MTIF2: variants seen among roughly 807,000 people sequenced by gnomAD.
MTIF2 encodes the protein translation initiation factor IF-2, mitochondrial.
A neutral mutation model predicts 83.5 loss-of-function variants in MTIF2; 71 were observed. That is an observed-to-expected ratio of 0.85 (90% confidence interval 0.70 to 1.04). The LOEUF is 1.04. Among genes scored for constraint, MTIF2 ranks in the 50% least tolerant of loss-of-function variants. The probability of loss-of-function intolerance (pLI) is 0.00; values close to 1 mark genes in which losing one functional copy is unlikely to be tolerated. For synonymous variants in MTIF2, 319 were observed against 287.1 expected, an observed-to-expected ratio of 1.11 and a Z score of -1.12; for missense variants, 957 against 846.5, an observed-to-expected ratio of 1.13 and a Z score of -1.62.
intron 7 of MTIF2, among the ~76,000 whole-genome samples, chr2:55,253,493 A>C (rs1318990232): frequency 6.6e-6 from 1 of 152,132 alleles, no homozygotes; most frequent in Non-Finnish European, 1.5e-5. Flanking sequence ...AGCCTGGCCA[A>C]CATGGCAAAA....
intron 13 of MTIF2, among the ~76,000 whole-genome samples, chr2:55,242,351 A>G (rs1167045218): frequency 6.6e-6 from 1 of 152,138 alleles, no homozygotes. Context: ...ATTCCTAATC[A>G]CTCAACAAAT....
intron 12 of MTIF2, 90 bp from the exon 13 acceptor site, chr2:55,243,170 A>G (rs1676447984): frequency 2.3e-6 from 3 of 1,329,520 alleles, no homozygotes; most frequent in Non-Finnish European, 3.1e-6. Flanking sequence ...AAGCCATGAT[A>G]GGAATGTCAT....
At chr2:55,254,007 C>A (rs1172358283) in intron 7 of MTIF2, 34 bp downstream of exon 7, 1 of 1,607,624 alleles carries the variant, frequency 6.2e-7, no homozygotes, top group Admixed American at 1.7e-5. Flanking sequence ...AAGTGGGGTT[C>A]CCAAGCACAT....
chr2:55,243,915 G>T, intron 11 of MTIF2, 114 bp downstream of exon 11: 1 of 1,023,898 alleles, frequency 9.8e-7, no homozygotes, highest in Non-Finnish European at 1.4e-6. Context: ...CATCCTCACA[G>T]CCCCTTATAA....
intron 7 of MTIF2, among the ~76,000 whole-genome samples, chr2:55,253,573 T>G (rs1478645170): frequency 1.3e-5 from 2 of 151,824 alleles, no homozygotes; most frequent in African/African-American, 4.8e-5. Context: ...TCCCAACACT[T>G]TGGGAGGCTG....
At position 55,263,651 on chromosome 2, in the gene MTIF2, C is replaced by A; in HGVS notation, c.208G>T (p.Val70Leu). 6.3e-7 allele frequency: 1 copy of A among 1,594,782 alleles called. No individual in the cohort carries two copies. The highest frequency in any genetic ancestry group is 8.5e-7 in the Non-Finnish European group (1 of 1,172,098). The part of the protein sequence containing the change: ...GAALSQYRLL[V>L]TKKEEGPWKS... ...AAATCTGTAACTACCTTTTTTGTTA[C>A]TAGAAGCCTATACTGAGATAAAGCA... Residue 70 changes from valine (V) to leucine (L), a missense_variant, in exon 4 of 16, where the codon GTA becomes TTA. Val to Leu is a conservative substitution (Grantham distance 32). Coordinates refer to ENST00000263629, the MANE Select transcript of MTIF2 (RefSeq NM_002453.3).
rs1211411920 is a variant in MTIF2, at chr2:55,263,787, C to T, written c.72G>A (p.Leu24=). The T allele has an allele frequency of 8.7e-6, 14 of 1,614,002 alleles. No individual in the cohort carries two copies. Among genetic ancestry groups the T allele is most frequent in the Non-Finnish European group, 1.0e-5 (12 of 1,180,040 alleles). The part of the protein sequence containing the change: ...FHTIYRQLHS[L]CQRRALRQWR... The stretch of plus-strand genomic sequence containing the variant: ...ACTGTCTTAATGCTCTTCTTTGACA[C>T]AGACTGTGCAGTTGCCTATAAATAG... Residue 24 remains leucine (L), a synonymous_variant, in exon 4 of 16, where the codon CTG becomes CTA. Transcript: ENST00000263629.
chr2:55,262,491 T>A (rs1289378019), intron 4 of MTIF2, 64 bp from the exon 5 acceptor site: 1 of 964,676 alleles, frequency 1.0e-6, no homozygotes, highest in Non-Finnish European at 1.6e-6. Flanking sequence ...AATTTAGATT[T>A]ATTCTCAAAT....
chr2:55,253,253 G>A (rs767016455), intron 7 of MTIF2, among the ~76,000 whole-genome samples: 1 of 152,148 alleles, frequency 6.6e-6, no homozygotes, highest in Non-Finnish European at 1.5e-5. Context: ...CTAGGTGCTC[G>A]TAAATGGGAC....
rs770238883 is a variant in MTIF2, at chr2:55,236,618, C to T, written c.*30G>A. 14 of 1,552,006 alleles carry T rather than the reference C, an allele frequency of 9.0e-6. No homozygotes were observed. The highest frequency in any genetic ancestry group is 6.9e-5 in the East Asian group (3 of 43,622). On this transcript the variant is annotated 3_prime_UTR_variant, in exon 16 of 16. Transcript: ENST00000263629. ...CATTTCTACCTTCAAACAAACAACA[C>T]GTTGAGTTATTTACATTTTTAATGT...
In MTIF2 at chr2:55,240,186, G is replaced by A. The variant is rs776001169; in HGVS notation, c.1706-11C>T. On this transcript the variant is annotated splice_polypyrimidine_tract_variant and intron_variant, in intron 13 of 15. Transcript: ENST00000263629. ...AGCCATATATAACACCTAGCAAACA[G>A]AAATATGATCAATGAAGTAGCACAA... 8 of 1,594,782 alleles carry A rather than the reference G, an allele frequency of 5.0e-6. No individual in the cohort carries two copies. Among genetic ancestry groups the A allele is most frequent in the Non-Finnish European group, 6.9e-6 (8 of 1,165,658 alleles).
At chr2:55,249,597 T>C in intron 8 of MTIF2, 63 bp from the exon 9 acceptor site, 1 of 1,570,704 alleles carries the variant, frequency 6.4e-7, no homozygotes, top group Non-Finnish European at 8.7e-7. Flanking sequence ...GTATTCACAG[T>C]GAAAGACATC....
At chr2:55,262,531 C>CTTTTT (rs531485959) in intron 4 of MTIF2, 104 bp from the exon 5 acceptor site, 2 of 328,014 alleles carry the variant, frequency 6.1e-6, no homozygotes, top group African/African-American at 2.9e-5. Context: ...ACATTTCTTT[C>CTTTTT]TTTTTTTTTC....
chr2:55,255,656 A>G (rs1000301360), intron 5 of MTIF2, among the ~76,000 whole-genome samples: 4 of 151,636 alleles, frequency 2.6e-5, no homozygotes, highest in African/African-American at 9.7e-5. Flanking sequence ...TACCACATTT[A>G]GGAGCCATTT....
intron 14 of MTIF2, among the ~76,000 whole-genome samples, chr2:55,239,101 T>C (rs1050633757): frequency 2.6e-5 from 4 of 152,124 alleles, no homozygotes; most frequent in South Asian, 2.1e-4. Context: ...TAGAGAGATA[T>C]GACAACATGG....
rs561472882 is a variant in MTIF2 at position 55,254,729 on chromosome 2, G to C, written c.428C>G (p.Thr143Arg). 3.7e-6 allele frequency: 6 copies of C among 1,609,426 alleles called. No individual in the cohort carries two copies. The highest frequency in any genetic ancestry group is 5.1e-6 in the Non-Finnish European group (6 of 1,178,068). Residue 143 changes from threonine to arginine, a missense_variant, in exon 6 of 16, where the codon ACG (threonine) becomes AGG (arginine). Thr to Arg is a moderately conservative substitution (Grantham distance 71, BLOSUM62 -1). Transcript: ENST00000263629. The stretch of plus-strand genomic sequence containing the variant: ...CCACTTTAACTTCATCCCTGCCTTC[G>C]TTATCACTTCTTTGATCCAGACTTC... ...LDEVWIKEVITKAGMKLKWSK... is the reference protein window; with the variant it reads ...LDEVWIKEVIRKAGMKLKWSK...
Position 55,254,539 on chromosome 2 carries a change from T to C in MTIF2, c.503+115A>G, listed in dbSNP as rs1224067357. On this transcript the variant is annotated intron_variant, in intron 6 of 15. Transcript: ENST00000263629. ...AATGCTTTAAGTACTTCGAAGTTTA[T>C]ACACACATATCTTTATTACAAAAGA... 4 of 860,980 alleles carry C rather than the reference T, an allele frequency of 4.6e-6. No homozygotes were observed. The East Asian group carries it at 8.2e-5, about 18-fold the overall frequency. 53.3% of individuals were successfully genotyped at this position (860,980 alleles called of 1,614,324 possible).
chr2:55,262,728 T>G (rs67500062), intron 4 of MTIF2, among the ~76,000 whole-genome samples: 103,659 of 149,232 alleles, frequency 0.69, 37,187 homozygotes, highest in Non-Finnish European at 0.79. Context: ...TTTTTTTTTT[T>G]TGTTTTTTGT....
At chr2:55,247,612 T>A (rs1676796676) in intron 9 of MTIF2, among the ~76,000 whole-genome samples, 1 of 152,066 alleles carries the variant, frequency 6.6e-6, no homozygotes, top group Non-Finnish European at 1.5e-5. Context: ...ACAAAAAAAT[T>A]GACTAAATAC....
Sources: gnomAD v4.1 joint callset for allele counts (sites outside exome capture counted in the v4.1 genomes callset) on GRCh38, gnomAD v4.1.1 for gene constraint, MANE v1.5 for transcripts, NCBI Gene and HGNC (gene_info 2026-07-23, HGNC 2026-07-21) for gene names.